The following CSPP1 variants were observed in gnomAD, a reference collection of about 807,000 sequenced individuals.
CSPP1 encodes centrosome and spindle pole-associated protein 1.
CSPP1 carries 126 observed loss-of-function variants against 164.4 expected under a neutral mutation model. That is an observed-to-expected ratio of 0.77 (90% confidence interval 0.66 to 0.89). The LOEUF is 0.89. Ranked by LOEUF, CSPP1 falls within the 40% of genes least tolerant of loss-of-function variation. The pLI is 0.00. For missense variants in CSPP1, 1,395 were observed against 1,449.8 expected (o/e 0.96, Z 0.61); for synonymous variants, 472 against 476.7 (o/e 0.99, Z 0.13).
chr8:67,083,531 C>CAAAAAAA (rs1171275894), intron 3 of CSPP1, among the ~76,000 whole-genome samples: 2 of 71,868 alleles, frequency 2.8e-5, no homozygotes, highest in Non-Finnish European at 2.4e-5. Flanking sequence ...GACTTTGTCT[C>CAAAAAAA]AAAAAAAAAA....
rs1392686907 is a variant in CSPP1 at position 67,112,024 on chromosome 8, A to C, written c.1146A>C (p.Glu382Asp). 1.2e-6 allele frequency: 2 copies of C among 1,612,352 alleles called. No homozygotes were observed. The highest frequency in any genetic ancestry group is 1.1e-5 in the South Asian group (1 of 90,918). Residue 382 changes from glutamate (E) to aspartate (D), a missense_variant, in exon 10 of 31, where the codon GAA becomes GAC. Physicochemically the swap from Glu to Asp is conservative, Grantham distance 45. Coordinates refer to ENST00000678616, the MANE Select transcript of CSPP1 (RefSeq NM_001382391.1). Reference sequence around the variant, plus strand: ...GAAGGAAAGAGAAATACAGACTAGAACTGTTGGAACAAATGGCTGAGCAAC... The same window carrying C: ...GAAGGAAAGAGAAATACAGACTAGACCTGTTGGAACAAATGGCTGAGCAAC... The part of the protein sequence containing the change: ...IQRRKEKYRL[E>D]LLEQMAEQQR...
At chr8:67,124,538 T>C (rs1363877591) in intron 15 of CSPP1, among the ~76,000 whole-genome samples, 2 of 152,196 alleles carry the variant, frequency 1.3e-5, no homozygotes, top group African/African-American at 4.8e-5. Context: ...TCTTACTCTG[T>C]TGCACAGGTT....
intron 19 of CSPP1, among the ~76,000 whole-genome samples, chr8:67,156,635 T>C (rs1826719047): frequency 6.6e-6 from 1 of 152,136 alleles, no homozygotes; most frequent in Admixed American, 6.5e-5. Context: ...ATAAAAAGTA[T>C]CCAAAACTTT....
chr8:67,145,456 A>G (rs924265959), intron 17 of CSPP1, among the ~76,000 whole-genome samples: 1 of 147,756 alleles, frequency 6.8e-6, no homozygotes, highest in African/African-American at 2.5e-5. Flanking sequence ...TTTTGCTCTT[A>G]TCTTTACTAT....
intron 19 of CSPP1, among the ~76,000 whole-genome samples, chr8:67,155,190 A>G (rs1466980651): frequency 6.6e-6 from 1 of 151,898 alleles, no homozygotes; most frequent in African/African-American, 2.4e-5. Flanking sequence ...CTCATGAGGG[A>G]CTCACAGTTT....
chr8:67,096,457 C>G (rs1037909292), intron 7 of CSPP1, among the ~76,000 whole-genome samples: 1 of 151,938 alleles, frequency 6.6e-6, no homozygotes, highest in Non-Finnish European at 1.5e-5. Flanking sequence ...CCCAGCTACT[C>G]AGAAGGCTGG....
chr8:67,171,830 G>A (rs1360901191), intron 24 of CSPP1, among the ~76,000 whole-genome samples: 1 of 150,676 alleles, frequency 6.6e-6, no homozygotes, highest in South Asian at 2.1e-4. Context: ...TTACAGGTGT[G>A]AGCCACCATG....
At chr8:67,075,083 A>G (rs1182378581) in intron 2 of CSPP1, among the ~76,000 whole-genome samples, 1 of 152,208 alleles carries the variant, frequency 6.6e-6, no homozygotes, top group Admixed American at 6.5e-5. Context: ...CCGGCCTAAA[A>G]TAATTGTTTC....
At chr8:67,077,906 A>G (rs1808298911) in intron 3 of CSPP1, among the ~76,000 whole-genome samples, 1 of 152,090 alleles carries the variant, frequency 6.6e-6, no homozygotes, top group East Asian at 1.9e-4. Flanking sequence ...TATCAGATAG[A>G]TAACTCTTTC....
chr8:67,103,902 GTTTA>G (rs1814754321), intron 8 of CSPP1, among the ~76,000 whole-genome samples: 2 of 148,898 alleles, frequency 1.3e-5, no homozygotes, highest in Non-Finnish European at 3.0e-5. Flanking sequence ...TCTTTCAAAA[GTTTA>G]TTTTTGATTT....
intron 17 of CSPP1, among the ~76,000 whole-genome samples, chr8:67,140,036 T>C (rs988873008): frequency 1.3e-5 from 2 of 152,168 alleles, no homozygotes; most frequent in Non-Finnish European, 2.9e-5. Context: ...TTGTTAAATA[T>C]TGGTTTTTTT....
chr8:67,095,556 T>C lies in CSPP1; in HGVS notation c.747T>C (p.Phe249=). The C allele has an allele frequency of 6.2e-7, 1 of 1,613,876 alleles. No homozygotes were observed. The highest frequency in any genetic ancestry group is 8.5e-7 in the Non-Finnish European group (1 of 1,179,964). The change falls in exon 7 of 31, where the codon TTT becomes TTC. Residue 249 remains phenylalanine (F), a synonymous_variant. Coordinates refer to ENST00000678616, the MANE Select transcript of CSPP1 (RefSeq NM_001382391.1). ...TTTCCAACCTAAAACATCAAAGGTT[T>C]GCAAGCAAGGCTGGCATTCCAGATA... is the stretch of plus-strand genomic sequence containing the variant. ...VGISNLKHQR[F]ASKAGIPDRR... is the part of the protein sequence containing the mutation.
chr8:67,125,305 T>C (rs892077741), intron 15 of CSPP1, among the ~76,000 whole-genome samples: 6 of 152,198 alleles, frequency 3.9e-5, no homozygotes, highest in Admixed American at 3.9e-4. Context: ...CTAGCCTTTA[T>C]GGTTTCTGAT....
intron 28 of CSPP1, among the ~76,000 whole-genome samples, chr8:67,183,843 ATTTTTTTTTTTTTTTT>A (rs918103972): frequency 9.2e-6 from 1 of 108,182 alleles, no homozygotes; most frequent in South Asian, 3.1e-4. Context: ...AAAATTGGGA[ATTTTTTTTTTTTTTTT>A]TTTTTTTTTT....
chr8:67,104,022 T>C (rs1814783327), intron 8 of CSPP1, among the ~76,000 whole-genome samples: 1 of 152,316 alleles, frequency 6.6e-6, no homozygotes, highest in East Asian at 1.9e-4. Context: ...TTATGTTCTC[T>C]TTCTACTTAC....
intron 15 of CSPP1, among the ~76,000 whole-genome samples, chr8:67,120,184 C>T (rs1029776832): frequency 2.6e-5 from 4 of 152,112 alleles, no homozygotes; most frequent in Non-Finnish European, 4.4e-5. Context: ...ACCAAATATA[C>T]GAGGGTTTAT....
intron 23 of CSPP1, among the ~76,000 whole-genome samples, chr8:67,164,171 C>T (rs1024392859): frequency 6.6e-6 from 1 of 152,194 alleles, no homozygotes; most frequent in Non-Finnish European, 1.5e-5. Context: ...CCAAGAATAT[C>T]GCTTCTGAAA....
intron 1 of CSPP1, among the ~76,000 whole-genome samples, chr8:67,071,122 G>A (rs1490321495): frequency 6.6e-6 from 1 of 152,030 alleles, no homozygotes; most frequent in African/African-American, 2.4e-5. Flanking sequence ...ATTAGGTACT[G>A]TTTACCTGTT....
At chr8:67,102,923 A>G in intron 7 of CSPP1, 114 bp from the exon 8 acceptor site, 1 of 532,702 alleles carries the variant, frequency 1.9e-6, no homozygotes, top group Non-Finnish European at 3.3e-6. Context: ...GTAAAACTTC[A>G]TTATAACACT....
Sources: allele counts gnomAD v4.1 joint callset (sites outside exome capture counted in the v4.1 genomes callset), GRCh38; gene constraint gnomAD v4.1.1; transcripts MANE v1.5; gene names NCBI Gene and HGNC (gene_info 2026-07-23, HGNC 2026-07-21).